SAMMSON: variants seen among roughly 807,000 people sequenced by gnomAD.
SAMMSON encodes survival associated mitochondrial melanoma specific oncogenic non-coding RNA, also known as long intergenic non-protein coding RNA 1212.
chr3:70,018,912 T>C (rs1293014238), intron 3 of SAMMSON, among the ~76,000 whole-genome samples: 5 of 152,270 alleles, frequency 3.3e-5, no homozygotes, highest in African/African-American at 9.6e-5. Context: ...TTCTTAATCC[T>C]GAGTTCTAGT....
intron 4 of SAMMSON, among the ~76,000 whole-genome samples, chr3:70,237,979 C>CTGTTTTTTTTTTTTTT (rs1701627865): frequency 4.1e-5 from 2 of 48,932 alleles, no homozygotes; most frequent in East Asian, 1.0e-3. Context: ...TGAGTGGTAT[C>CTGTTTTTTTTTTTTTT]TTTTTTTTTT....
intron 1 of SAMMSON, among the ~76,000 whole-genome samples, chr3:70,010,006 G>A (rs1243218468): frequency 6.6e-6 from 1 of 151,400 alleles, no homozygotes; most frequent in Non-Finnish European, 1.5e-5. Flanking sequence ...CTGAGAGACA[G>A]TTTGTTATAA....
At position 70,279,625 on chromosome 3, in the gene SAMMSON, T is replaced by G. The variant is rs538212515; in HGVS notation, n.675-11554T>G. 7.2e-5 allele frequency among the ~76,000 whole-genome samples: 11 copies of G among 152,306 alleles called. No homozygotes were observed. In the South Asian group the frequency reaches 2.3e-3, roughly 32 times the overall value. On this transcript the variant is annotated intron_variant and non_coding_transcript_variant, in intron 6 of 9. Coordinates refer to ENST00000642114, the Ensembl canonical transcript of SAMMSON. ...TTGAAGGCTCAGATTTGCGTTGCTC[T>G]CTTGCGCTACATGCTGAGTCCTATT...
intron 6 of SAMMSON, among the ~76,000 whole-genome samples, chr3:70,271,163 C>T (rs1307533039): frequency 6.6e-6 from 1 of 151,896 alleles, no homozygotes; most frequent in African/African-American, 2.4e-5. Flanking sequence ...AAAAGTATGC[C>T]AAAAACAGTA....
At chr3:70,179,010 GTAA>G (rs1172667658) in intron 4 of SAMMSON, among the ~76,000 whole-genome samples, 3 of 151,986 alleles carry the variant, frequency 2.0e-5, no homozygotes, top group South Asian at 2.1e-4. Context: ...CAAAATAATA[GTAA>G]TAATAATAAT....
chr3:70,188,209 C>T (rs946395337), intron 4 of SAMMSON, among the ~76,000 whole-genome samples: 13 of 152,160 alleles, frequency 8.5e-5, no homozygotes, highest in Non-Finnish European at 1.9e-4. Context: ...GGTTTGAAGT[C>T]AGACAAACTC....
intron 4 of SAMMSON, among the ~76,000 whole-genome samples, chr3:70,147,741 A>G (rs2067555287): frequency 6.6e-6 from 1 of 152,120 alleles, no homozygotes; most frequent in Non-Finnish European, 1.5e-5. Context: ...GGTTAAGTGA[A>G]GAATTCTTAG....
chr3:70,225,565 C>T (rs950933261), intron 4 of SAMMSON, among the ~76,000 whole-genome samples: 11 of 152,078 alleles, frequency 7.2e-5, no homozygotes, highest in Non-Finnish European at 1.5e-4. Context: ...TGTTTATATT[C>T]TCCCTGCTTC....
chr3:70,089,853 G>A (rs1443243729), intron 4 of SAMMSON, among the ~76,000 whole-genome samples: 3 of 152,220 alleles, frequency 2.0e-5, no homozygotes, highest in East Asian at 1.9e-4. Context: ...TAGAGTGTGG[G>A]AGTCTGCTTT....
intron 9 of SAMMSON, among the ~76,000 whole-genome samples, chr3:70,378,717 T>C (rs935331862): frequency 6.6e-6 from 1 of 152,084 alleles, no homozygotes; most frequent in Non-Finnish European, 1.5e-5. Flanking sequence ...TCTGGCCATC[T>C]CTTTTGTAAG....
chr3:70,294,025 T>C (rs1702266289), intron 7 of SAMMSON, among the ~76,000 whole-genome samples: 1 of 152,106 alleles, frequency 6.6e-6, no homozygotes, highest in Admixed American at 6.6e-5. Flanking sequence ...TGGGTGTATT[T>C]TAATATTTAT....
intron 4 of SAMMSON, among the ~76,000 whole-genome samples, chr3:70,083,357 A>G (rs903834574): frequency 1.3e-5 from 2 of 152,134 alleles, no homozygotes; most frequent in Admixed American, 6.5e-5. Flanking sequence ...GCTTTGGGTC[A>G]TCTCTCTTCT....
intron 7 of SAMMSON, among the ~76,000 whole-genome samples, chr3:70,308,207 C>T (rs1039665495): frequency 4.0e-5 from 6 of 151,784 alleles, no homozygotes; most frequent in African/African-American, 1.2e-4. Context: ...TATGCCATTA[C>T]ACCCAGCTAA....
At chr3:70,217,696 T>C (rs1369534162) in intron 4 of SAMMSON, among the ~76,000 whole-genome samples, 2 of 152,170 alleles carry the variant, frequency 1.3e-5, no homozygotes, top group African/African-American at 4.8e-5. Context: ...CTGAAATCTC[T>C]TGCATGATAT....
intron 4 of SAMMSON, among the ~76,000 whole-genome samples, chr3:70,191,371 G>C (rs933837350): frequency 6.6e-6 from 1 of 152,172 alleles, no homozygotes; most frequent in African/African-American, 2.4e-5. Flanking sequence ...AACAATTCAT[G>C]CTCCTAGAAC....
At chr3:70,321,378 T>C (rs1702537497) in intron 7 of SAMMSON, among the ~76,000 whole-genome samples, 1 of 152,116 alleles carries the variant, frequency 6.6e-6, no homozygotes, top group Admixed American at 6.6e-5. Flanking sequence ...ATTATTTTAT[T>C]CAGCACAATG....
chr3:70,107,059 TG>T (rs1413774847), intron 4 of SAMMSON, among the ~76,000 whole-genome samples: 1 of 152,180 alleles, frequency 6.6e-6, no homozygotes, highest in Non-Finnish European at 1.5e-5. Context: ...TTGAGAGCTA[TG>T]TGGAAATAGA....
chr3:70,022,868 T>G (rs1026165215), intron 3 of SAMMSON, among the ~76,000 whole-genome samples: 1 of 152,186 alleles, frequency 6.6e-6, no homozygotes, highest in Non-Finnish European at 1.5e-5. Flanking sequence ...CATGTAAAAA[T>G]TGTTTTTGTT....
chr3:70,341,284 G>T (rs1221422678), intron 7 of SAMMSON, among the ~76,000 whole-genome samples: 1 of 152,060 alleles, frequency 6.6e-6, no homozygotes, highest in Admixed American at 6.6e-5. Flanking sequence ...CACATGCAGT[G>T]ACCAATTCTG....
Sources: allele counts gnomAD v4.1 joint callset (sites outside exome capture counted in the v4.1 genomes callset), GRCh38; gene constraint gnomAD v4.1.1; transcripts MANE v1.5; gene names NCBI Gene and HGNC (gene_info 2026-07-23, HGNC 2026-07-21).